Variants in C8orf34 observed in about 807,000 individuals in gnomAD.
The protein encoded by C8orf34 is uncharacterized protein C8orf34.
Under a neutral mutation model 68.3 loss-of-function variants are expected in C8orf34, and 65 were observed. The ratio of observed to expected loss-of-function variants is 0.95; its 90% CI spans 0.78 to 1.17. The LOEUF (loss-of-function observed/expected upper bound fraction) is 1.17. Among genes scored for constraint, C8orf34 ranks in the 50% most tolerant of loss-of-function variants. The pLI is 0.00. For synonymous variants in C8orf34, 244 were observed against 241.2 expected (o/e 1.01, Z -0.11); for missense variants, 664 against 655.4 (o/e 1.01, Z -0.14).
chr8:68,432,427 C>T (rs977992673), intron 1 of C8orf34, among the ~76,000 whole-genome samples: 4 of 151,934 alleles, frequency 2.6e-5, no homozygotes, highest in African/African-American at 9.7e-5. Flanking sequence ...CTTCCTGCCT[C>T]AGCTTCCCAC....
chr8:68,702,750 G>C (rs1370050320), intron 8 of C8orf34, among the ~76,000 whole-genome samples: 1 of 151,968 alleles, frequency 6.6e-6, no homozygotes, highest in Non-Finnish European at 1.5e-5. Context: ...CGACATCAGG[G>C]AATTTTTTAA....
At chr8:68,748,174 G>C (rs1822570039) in intron 10 of C8orf34, among the ~76,000 whole-genome samples, 2 of 131,098 alleles carry the variant, frequency 1.5e-5, no homozygotes. Context: ...GGGAAAACTG[G>C]CTAGCCATAT....
At chr8:68,641,633 G>A (rs1313889778) in intron 8 of C8orf34, among the ~76,000 whole-genome samples, 4 of 152,178 alleles carry the variant, frequency 2.6e-5, no homozygotes, top group African/African-American at 7.2e-5. Flanking sequence ...TTGTAGTACA[G>A]TTGTATATTT....
intron 3 of C8orf34, among the ~76,000 whole-genome samples, chr8:68,466,083 T>C (rs1586198323): frequency 6.8e-6 from 1 of 147,382 alleles, no homozygotes; most frequent in Admixed American, 6.8e-5. Flanking sequence ...AGCAACACGG[T>C]GAAACTGGAG....
intron 10 of C8orf34, among the ~76,000 whole-genome samples, chr8:68,745,561 C>T (rs147938284): frequency 0.013 from 1,920 of 151,666 alleles, 38 homozygotes; most frequent in African/African-American, 0.044. Flanking sequence ...AAAAGGAAAA[C>T]AAAAAAAGGC....
chr8:68,335,716 A>C (rs1563628428), intron 1 of C8orf34, among the ~76,000 whole-genome samples: 1 of 152,200 alleles, frequency 6.6e-6, no homozygotes, highest in African/African-American at 2.4e-5. Context: ...CAATTCAATA[A>C]ATCACTATAT....
chr8:68,666,270 G>A (rs1410792607), intron 8 of C8orf34, among the ~76,000 whole-genome samples: 1 of 152,126 alleles, frequency 6.6e-6, no homozygotes, highest in Non-Finnish European at 1.5e-5. Context: ...CAAGAAAGTG[G>A]CTGTGTGATA....
chr8:68,527,344 G>A (rs574741192), intron 6 of C8orf34, among the ~76,000 whole-genome samples: 3 of 152,158 alleles, frequency 2.0e-5, no homozygotes, highest in African/African-American at 7.2e-5. Context: ...AGGCCGAGGC[G>A]GGCGGATCAC....
At chr8:68,523,407 A>C (rs908231416) in intron 6 of C8orf34, among the ~76,000 whole-genome samples, 1 of 152,180 alleles carries the variant, frequency 6.6e-6, no homozygotes, top group Non-Finnish European at 1.5e-5. Flanking sequence ...TCCCACCTGA[A>C]TACTCAATAA....
At chr8:68,397,624 T>C (rs1353928408) in intron 1 of C8orf34, among the ~76,000 whole-genome samples, 1 of 152,176 alleles carries the variant, frequency 6.6e-6, no homozygotes, top group Non-Finnish European at 1.5e-5. Flanking sequence ...TTGGTTATTA[T>C]AAATAGCACT....
intron 5 of C8orf34, among the ~76,000 whole-genome samples, chr8:68,515,382 C>CT (rs368541535): frequency 5.7e-4 from 79 of 138,488 alleles, no homozygotes; most frequent in East Asian, 4.0e-3. Flanking sequence ...TCTTTTTTTT[C>CT]TTTTTTTTTT....
intron 8 of C8orf34, among the ~76,000 whole-genome samples, chr8:68,692,213 GAGA>G (rs1239358488): frequency 6.6e-6 from 1 of 152,034 alleles, no homozygotes; most frequent in Non-Finnish European, 1.5e-5. Flanking sequence ...CAAGGAGGCA[GAGA>G]AGATTTTCTT....
At chr8:68,334,986 T>G (rs2129617774) in intron 1 of C8orf34, among the ~76,000 whole-genome samples, 1 of 152,296 alleles carries the variant, frequency 6.6e-6, no homozygotes, top group East Asian at 1.9e-4. Flanking sequence ...GCCCATTATT[T>G]CACTTTATTG....
chr8:68,352,618 C>T (rs1806559478), intron 1 of C8orf34, among the ~76,000 whole-genome samples: 1 of 152,014 alleles, frequency 6.6e-6, no homozygotes, highest in Admixed American at 6.6e-5. Context: ...GTCTCAGGGA[C>T]CCTTCCTACA....
chr8:68,330,534 G>A (rs1805520791), upstream of C8orf34, among the ~76,000 whole-genome samples: 2 of 152,166 alleles, frequency 1.3e-5, no homozygotes, highest in South Asian at 4.1e-4. Flanking sequence ...CTGCGCTAGA[G>A]TAGGCAGGGC....
At chr8:68,541,202 C>T (rs900435646) in intron 7 of C8orf34, among the ~76,000 whole-genome samples, 2 of 152,130 alleles carry the variant, frequency 1.3e-5, no homozygotes, top group Admixed American at 6.6e-5. Flanking sequence ...CTGGCTCACA[C>T]CTGTAATCCT....
intron 9 of C8orf34, among the ~76,000 whole-genome samples, chr8:68,711,059 A>T (rs1038933231): frequency 6.6e-6 from 1 of 152,188 alleles, no homozygotes; most frequent in Non-Finnish European, 1.5e-5. Flanking sequence ...TAGAACCAGA[A>T]GAGCAAAAAC....
chr8:68,439,675 T>C, intron 2 of C8orf34, 29 bp downstream of exon 2: 36 of 1,584,654 alleles, frequency 2.3e-5, no homozygotes, highest in Non-Finnish European at 2.8e-5. Context: ...TGCAGTTAAT[T>C]TGGGATTCAT....
At chr8:68,378,493 G>T (rs1240527449) in intron 1 of C8orf34, among the ~76,000 whole-genome samples, 1 of 152,032 alleles carries the variant, frequency 6.6e-6, no homozygotes, top group African/African-American at 2.4e-5. Flanking sequence ...TCGACATGTT[G>T]CCCAGGCTTG....
Sources: gnomAD v4.1 joint callset for allele counts (sites outside exome capture counted in the v4.1 genomes callset) on GRCh38, gnomAD v4.1.1 for gene constraint, MANE v1.5 for transcripts, NCBI Gene and HGNC (gene_info 2026-07-23, HGNC 2026-07-21) for gene names.